NBN: variants seen among roughly 807,000 people sequenced by gnomAD.
NBN encodes Nijmegen breakage syndrome 1 (nibrin).
A neutral mutation model predicts 90.8 loss-of-function variants in NBN; 88 were observed. The observed-to-expected ratio is 0.97, with a 90% confidence interval of 0.82 to 1.16. The LOEUF (loss-of-function observed/expected upper bound fraction) is 1.16. Among genes scored for constraint, NBN ranks in the 50% most tolerant of loss-of-function variants. The pLI is 0.00. For synonymous variants in NBN, 328 were observed against 295.1 expected (o/e 1.11, Z -1.14); for missense variants, 894 against 869.6 (o/e 1.03, Z -0.35).
intron 8 of NBN, among the ~76,000 whole-genome samples, chr8:89,959,491 G>A (rs748759686): frequency 2.0e-5 from 3 of 152,162 alleles, no homozygotes; most frequent in Non-Finnish European, 2.9e-5. Context: ...AGTGGTTCAC[G>A]CCTGTTATCC....
intron 9 of NBN, among the ~76,000 whole-genome samples, chr8:89,956,670 T>C (rs1302614296): frequency 6.6e-6 from 1 of 152,192 alleles, no homozygotes; most frequent in Non-Finnish European, 1.5e-5. Flanking sequence ...CAGTCATCCA[T>C]GTACATTTGC....
At chr8:89,966,611 T>A (rs1811264828) in intron 7 of NBN, among the ~76,000 whole-genome samples, 1 of 152,198 alleles carries the variant, frequency 6.6e-6, no homozygotes, top group South Asian at 2.1e-4. Flanking sequence ...ACATAAATCG[T>A]TAATTCTCAA....
At position 89,978,463 on chromosome 8, in the gene NBN, A is replaced by G. The variant is rs949944322; in HGVS notation, c.481-140T>C. 8 of 656,810 alleles carry G rather than the reference A, an allele frequency of 1.2e-5. No individual in the cohort carries two copies. In the South Asian group the frequency reaches 1.2e-4, roughly 10 times the overall value. 40.7% of individuals were successfully genotyped at this position (656,810 alleles called of 1,614,324 possible). ...CCCTTTCATCTCTCTAAATTTATAA[A>G]GAAGCCACAATCTATAAAATAGAAG... On this transcript the variant is annotated intron_variant, in intron 4 of 15. Coordinates refer to ENST00000265433, the MANE Select transcript of NBN (RefSeq NM_002485.5).
intron 10 of NBN, among the ~76,000 whole-genome samples, chr8:89,954,959 G>A (rs1042387705): frequency 2.6e-5 from 4 of 152,136 alleles, no homozygotes; most frequent in Non-Finnish European, 4.4e-5. Flanking sequence ...ATGGAATATG[G>A]TCCTAGAGGG....
At position 89,958,764 on chromosome 8, in the gene NBN, G is replaced by A; in HGVS notation, c.1085C>T (p.Thr362Ile). Residue 362 changes from threonine (T) to isoleucine (I), a missense_variant, in exon 9 of 16, where the codon ACA (threonine) becomes ATA (isoleucine). Coordinates refer to ENST00000265433, the MANE Select transcript of NBN (RefSeq NM_002485.5). ...CTCTGATTCTGTGTCAGCTACGTAT[G>A]TTGTAGTGTTCACTGGGGCGCTTGG... ...LMPSAPVNTT[T>I]YVADTESEQA... The A allele has an allele frequency of 6.2e-7, 1 of 1,614,112 alleles. No homozygotes were observed. The highest frequency in any genetic ancestry group is 8.5e-7 in the Non-Finnish European group (1 of 1,179,968).
intron 15 of NBN, 114 bp downstream of exon 15, chr8:89,936,912 G>T: frequency 1.3e-6 from 1 of 777,544 alleles, no homozygotes; most frequent in Non-Finnish European, 2.2e-6. Flanking sequence ...TGTGTTAGGT[G>T]AAGGGACTAG....
chr8:89,954,219 T>C (rs1278278311), intron 10 of NBN, among the ~76,000 whole-genome samples: 2 of 152,114 alleles, frequency 1.3e-5, no homozygotes, highest in South Asian at 2.1e-4. Flanking sequence ...ATTCAATAAA[T>C]ACCAAACACT....
chr8:89,968,262 C>T (rs1243841553), intron 7 of NBN, among the ~76,000 whole-genome samples: 1 of 152,062 alleles, frequency 6.6e-6, no homozygotes, highest in Non-Finnish European at 1.5e-5. Flanking sequence ...AACATCCCCC[C>T]ACCAAAAACC....
chr8:89,981,863 C>CT (rs890788961), intron 2 of NBN: 2 of 661,836 alleles, frequency 3.0e-6, no homozygotes, highest in Non-Finnish European at 4.4e-6. Flanking sequence ...ATTCCTAGAT[C>CT]TTTTTTTGTT....
At chr8:89,940,503 GAAT>G (rs1809889480) in intron 14 of NBN, among the ~76,000 whole-genome samples, 1 of 151,796 alleles carries the variant, frequency 6.6e-6, no homozygotes, top group Non-Finnish European at 1.5e-5. Flanking sequence ...ACTGGCTTCT[GAAT>G]GTAATCCCTG....
rs116930146 is a variant in NBN at position 89,969,236 on chromosome 8, C to T, written c.896+1128G>A. On this transcript the variant is annotated intron_variant, in intron 7 of 15. Coordinates refer to ENST00000265433, the MANE Select transcript of NBN (RefSeq NM_002485.5). ...TTCAACAATGCTAAGATTATTAATGCAAATTAAAGTCTAAGAAAAATCCTT... is the reference window on the plus strand; with the variant it reads ...TTCAACAATGCTAAGATTATTAATGTAAATTAAAGTCTAAGAAAAATCCTT... Among the ~76,000 whole-genome samples the T allele has an allele frequency of 4.3e-3, 655 of 152,316 alleles. 6 individuals carry two copies. The highest frequency in any genetic ancestry group is 0.014 in the African/African-American group (573 of 41,566).
intron 11 of NBN, among the ~76,000 whole-genome samples, chr8:89,949,289 G>C (rs1029554886): frequency 2.0e-5 from 3 of 152,202 alleles, no homozygotes; most frequent in Admixed American, 6.5e-5. Flanking sequence ...ATTAATTGCT[G>C]CATTGTAGGG....
At position 89,933,938 on chromosome 8, in the gene NBN, G is replaced by A. The variant is rs1298978479; in HGVS notation, c.*1644C>T. ...CCAAAATGAAACATCACTACACACCGATTGGAATGGTTAAAAAGGAAAAAT... is the reference window on the plus strand; with the variant it reads ...CCAAAATGAAACATCACTACACACCAATTGGAATGGTTAAAAAGGAAAAAT... On this transcript the variant is annotated 3_prime_UTR_variant, in exon 16 of 16. Coordinates refer to ENST00000265433, the MANE Select transcript of NBN (RefSeq NM_002485.5). 4 of 231,280 alleles carry A rather than the reference G, an allele frequency of 1.7e-5. No individual in the cohort carries two copies. Among genetic ancestry groups the A allele is most frequent in the Non-Finnish European group, 3.4e-5 (4 of 117,040 alleles). The allele number at this position is 231,280 out of a possible 1,614,324, so 14.3% of individuals were successfully genotyped here. A position where few individuals can be genotyped will look rare whatever the true frequency, so the allele number is the denominator to read the frequency against.
chr8:89,975,796 T>G (rs1438688925), intron 5 of NBN, among the ~76,000 whole-genome samples: 1 of 152,220 alleles, frequency 6.6e-6, no homozygotes, highest in East Asian at 1.9e-4. Context: ...ATATATCTAC[T>G]AGTAGTGAAA....
At chr8:89,980,640 A>T in intron 4 of NBN, 94 bp downstream of exon 4, 1 of 1,015,938 alleles carries the variant, frequency 9.8e-7, no homozygotes, top group South Asian at 1.4e-5. Flanking sequence ...CAGTTCTGAT[A>T]GTTTTAAAGT....
rs1812250837 is a variant in NBN, at chr8:89,984,638, T to G, written c.-77A>C. On this transcript the variant is annotated 5_prime_UTR_variant, in exon 1 of 16. Transcript: ENST00000265433. ...GCTAGACGAGCGCGGATACGGCGCCTGCGGTCGGCATGGGCTCCGGGACGT... is the reference window on the plus strand; with the variant it reads ...GCTAGACGAGCGCGGATACGGCGCCGGCGGTCGGCATGGGCTCCGGGACGT... The G allele has an allele frequency of 1.9e-6, 3 of 1,587,164 alleles. No homozygotes were observed. Among genetic ancestry groups the G allele is most frequent in the Non-Finnish European group, 1.7e-6 (2 of 1,166,778 alleles).
chr8:89,945,109 A>C (rs1199631298), intron 13 of NBN, among the ~76,000 whole-genome samples: 1 of 152,214 alleles, frequency 6.6e-6, no homozygotes. Context: ...TGCCAGTAGT[A>C]AACATTACTG....
rs1810828658 is a variant in NBN, at chr8:89,958,379, C to T, written c.1124+346G>A. Among the ~76,000 whole-genome samples, 3 of 152,166 alleles carry T rather than the reference C, an allele frequency of 2.0e-5. No individual in the cohort carries two copies. In the South Asian group the frequency reaches 6.2e-4, roughly 32 times the overall value. On this transcript the variant is annotated intron_variant, in intron 9 of 15. Coordinates refer to ENST00000265433, the MANE Select transcript of NBN (RefSeq NM_002485.5). ...ACACTGTTCGATGTTCACACAATGC[C>T]AAAATTGTGTAAGGAAGCATTTCTT... is the stretch of plus-strand genomic sequence containing the variant.
intron 11 of NBN, among the ~76,000 whole-genome samples, chr8:89,950,815 G>C (rs1810412154): frequency 6.6e-6 from 1 of 152,098 alleles, no homozygotes; most frequent in South Asian, 2.1e-4. Context: ...CTCAGTTCTT[G>C]TCTTTCCCTG....
Sources: gnomAD v4.1 joint callset for allele counts (sites outside exome capture counted in the v4.1 genomes callset) on GRCh38, gnomAD v4.1.1 for gene constraint, MANE v1.5 for transcripts, NCBI Gene and HGNC (gene_info 2026-07-23, HGNC 2026-07-21) for gene names.